The following PDZRN4 variants were observed in gnomAD, a reference collection of about 807,000 sequenced individuals.
PDZRN4 encodes PDZ domain-containing RING finger protein 4.
A neutral mutation model predicts 99.0 loss-of-function variants in PDZRN4; 70 were observed. The observed-to-expected ratio is 0.71, with a 90% CI of 0.58 to 0.86. PDZRN4 has a LOEUF of 0.86. Ranked by LOEUF, PDZRN4 falls within the 40% of genes least tolerant of loss-of-function variation. The pLI is 0.00. For synonymous variants in PDZRN4, 551 were observed against 501.6 expected (o/e 1.10, Z -1.32); for missense variants, 1,474 against 1,331.2 (o/e 1.11, Z -1.67).
intron 3 of PDZRN4, among the ~76,000 whole-genome samples, chr12:41,447,213 G>T (rs1334343122): frequency 6.6e-6 from 1 of 152,084 alleles, no homozygotes; most frequent in African/African-American, 2.4e-5. Context: ...ACCTACAATA[G>T]GTAGATTTTG....
intron 3 of PDZRN4, among the ~76,000 whole-genome samples, chr12:41,295,947 G>T (rs1951490604): frequency 6.6e-6 from 1 of 152,110 alleles, no homozygotes; most frequent in Non-Finnish European, 1.5e-5. Flanking sequence ...GATGAAGCCT[G>T]CAGGCACAGA....
chr12:41,463,664 A>G (rs1379362360), intron 3 of PDZRN4, among the ~76,000 whole-genome samples: 1 of 152,174 alleles, frequency 6.6e-6, no homozygotes, highest in East Asian at 1.9e-4. Context: ...TATATTTAGC[A>G]TGTAACTCTT....
intron 5 of PDZRN4, among the ~76,000 whole-genome samples, chr12:41,523,312 C>T (rs1310949663): frequency 6.6e-6 from 1 of 152,016 alleles, no homozygotes; most frequent in African/African-American, 2.4e-5. Context: ...CATGTAGATG[C>T]TGTTGACTGA....
intron 3 of PDZRN4, among the ~76,000 whole-genome samples, chr12:41,206,445 G>T (rs1208907551): frequency 6.6e-6 from 1 of 151,444 alleles, no homozygotes; most frequent in African/African-American, 2.4e-5. Context: ...ATAAATCTTT[G>T]AATGTGTATT....
chr12:41,460,435 C>A (rs1952860832), intron 3 of PDZRN4, among the ~76,000 whole-genome samples: 1 of 152,100 alleles, frequency 6.6e-6, no homozygotes, highest in South Asian at 2.1e-4. Context: ...AACTTATAAA[C>A]TGAGTCTGGA....
At chr12:41,430,931 T>A (rs890738588) in intron 3 of PDZRN4, among the ~76,000 whole-genome samples, 1 of 152,150 alleles carries the variant, frequency 6.6e-6, no homozygotes, top group African/African-American at 2.4e-5. Flanking sequence ...GAAAGAGGCA[T>A]CTCACATGGT....
chr12:41,347,119 A>G (rs1284473910), intron 3 of PDZRN4, among the ~76,000 whole-genome samples: 1 of 152,088 alleles, frequency 6.6e-6, no homozygotes, highest in Non-Finnish European at 1.5e-5. Flanking sequence ...TTCATGTATG[A>G]ATTTTTGTGT....
intron 3 of PDZRN4, among the ~76,000 whole-genome samples, chr12:41,244,557 C>A (rs1951121064): frequency 6.6e-6 from 1 of 152,172 alleles, no homozygotes; most frequent in African/African-American, 2.4e-5. Flanking sequence ...TCCACCCTTG[C>A]CAAACCAGAA....
At chr12:41,370,679 C>A (rs980994077) in intron 3 of PDZRN4, among the ~76,000 whole-genome samples, 1 of 151,878 alleles carries the variant, frequency 6.6e-6, no homozygotes, top group African/African-American at 2.4e-5. Context: ...TCTGGAACTT[C>A]TTTTAGGTTT....
intron 3 of PDZRN4, among the ~76,000 whole-genome samples, chr12:41,304,285 G>A (rs1475500328): frequency 1.3e-5 from 2 of 152,124 alleles, no homozygotes; most frequent in African/African-American, 2.4e-5. Context: ...TGCAGTCACC[G>A]GAATAATAGG....
At chr12:41,373,890 T>C (rs1240253896) in intron 3 of PDZRN4, among the ~76,000 whole-genome samples, 1 of 152,186 alleles carries the variant, frequency 6.6e-6, no homozygotes, top group Non-Finnish European at 1.5e-5. Context: ...GGGGAACTAA[T>C]AAATGTCCAT....
chr12:41,565,763 C>T (rs1295093412), intron 8 of PDZRN4, among the ~76,000 whole-genome samples: 1 of 152,106 alleles, frequency 6.6e-6, no homozygotes, highest in Non-Finnish European at 1.5e-5. Flanking sequence ...AAAGATATTG[C>T]TTTTCTGTCC....
intron 3 of PDZRN4, among the ~76,000 whole-genome samples, chr12:41,387,492 G>A (rs1371038024): frequency 1.3e-5 from 2 of 152,150 alleles, no homozygotes; most frequent in African/African-American, 4.8e-5. Context: ...GGCTGAGGCA[G>A]GAGTATAGCT....
At chr12:41,458,348 G>A (rs1357138944) in intron 3 of PDZRN4, among the ~76,000 whole-genome samples, 1 of 152,114 alleles carries the variant, frequency 6.6e-6, no homozygotes, top group Non-Finnish European at 1.5e-5. Flanking sequence ...GTAGAGACAG[G>A]GTTTCACCAC....
intron 5 of PDZRN4, among the ~76,000 whole-genome samples, chr12:41,516,129 T>C (rs1292475177): frequency 6.6e-6 from 1 of 152,038 alleles, no homozygotes; most frequent in Non-Finnish European, 1.5e-5. Context: ...TTCCATGATG[T>C]CCTCCTGCCA....
chr12:41,265,920 A>G (rs1443668989), intron 3 of PDZRN4, among the ~76,000 whole-genome samples: 5 of 152,200 alleles, frequency 3.3e-5, no homozygotes, highest in African/African-American at 9.7e-5. Flanking sequence ...CGTAAAATGC[A>G]TAGCTGAAAA....
intron 3 of PDZRN4, among the ~76,000 whole-genome samples, chr12:41,231,964 G>C (rs1483780504): frequency 6.6e-6 from 1 of 151,906 alleles, no homozygotes; most frequent in Non-Finnish European, 1.5e-5. Context: ...AAAAATCATT[G>C]AAATTATAAT....
chr12:41,534,743 T>C (rs1247575763), intron 5 of PDZRN4, among the ~76,000 whole-genome samples: 1 of 152,210 alleles, frequency 6.6e-6, no homozygotes, highest in African/African-American at 2.4e-5. Flanking sequence ...GGTTTGCAGA[T>C]GTTTTGTCTC....
intron 3 of PDZRN4, among the ~76,000 whole-genome samples, chr12:41,198,327 A>T (rs1258768401): frequency 1.3e-5 from 2 of 151,428 alleles, no homozygotes; most frequent in East Asian, 3.9e-4. Flanking sequence ...TTCTCCCAGC[A>T]CTCCCCTAAC....
Sources: allele counts gnomAD v4.1 joint callset (sites outside exome capture counted in the v4.1 genomes callset), GRCh38; gene constraint gnomAD v4.1.1; transcripts MANE v1.5; gene names NCBI Gene and HGNC (gene_info 2026-07-23, HGNC 2026-07-21).